CEP135: variants seen among roughly 807,000 people sequenced by gnomAD.
CEP135 encodes the protein centrosomal protein 135.
A neutral mutation model predicts 157.3 loss-of-function variants in CEP135; 142 were observed. The ratio of observed to expected loss-of-function variants is 0.90; its 90% CI spans 0.79 to 1.04. The LOEUF is 1.04. Ranked by LOEUF, CEP135 falls within the 50% of genes least tolerant of loss-of-function variation. CEP135 has a pLI of 0.00. For missense variants in CEP135, 1,317 were observed against 1,309.2 expected, an observed-to-expected ratio of 1.01 and a Z score of -0.09; for synonymous variants, 396 against 439.8, an observed-to-expected ratio of 0.90 and a Z score of 1.25.
At chr4:56,007,363 G>A (rs923693899) in intron 17 of CEP135, among the ~76,000 whole-genome samples, 2 of 152,226 alleles carry the variant, frequency 1.3e-5, no homozygotes, top group Non-Finnish European at 2.9e-5. Context: ...GCCCATCTGG[G>A]ATGGGGGAGG....
chr4:55,974,895 A>G lies in CEP135; in HGVS notation c.1399A>G (p.Ile467Val). The change falls in exon 11 of 26, where the codon ATA becomes GTA. Residue 467 changes from isoleucine to valine, a missense_variant. Coordinates refer to ENST00000257287, the MANE Select transcript of CEP135 (RefSeq NM_025009.5). ...YKKELERLQH[I>V]IQRRSCSTSY... ...GAAAGAGCTAGAGAGACTCCAACAT[A>G]TAATACAGCGAAGATCTTGCTCTAC... 6.2e-7 allele frequency: 1 copy of G among 1,613,708 alleles called. No homozygotes were observed. Among genetic ancestry groups the G allele is most frequent in the South Asian group, 1.1e-5 (1 of 90,998 alleles).
intron 6 of CEP135, among the ~76,000 whole-genome samples, chr4:55,962,568 G>A (rs1183690651): frequency 1.3e-5 from 2 of 152,002 alleles, no homozygotes; most frequent in African/African-American, 4.8e-5. Context: ...TATGTGAACT[G>A]GTCTAGTTAA....
intron 6 of CEP135, among the ~76,000 whole-genome samples, chr4:55,962,280 T>C (rs1038057693): frequency 3.0e-4 from 45 of 152,290 alleles, no homozygotes; most frequent in African/African-American, 1.1e-3. Flanking sequence ...TTTGTATTTT[T>C]TAGTAGAGAC....
chr4:55,979,062 T>C (rs1184605699), intron 11 of CEP135, among the ~76,000 whole-genome samples: 1 of 152,194 alleles, frequency 6.6e-6, no homozygotes, highest in Non-Finnish European at 1.5e-5. Context: ...CTCACAGATA[T>C]CTATCATTTA....
intron 13 of CEP135, among the ~76,000 whole-genome samples, chr4:55,984,246 A>T (rs12502833): frequency 0.039 from 5,954 of 152,206 alleles, 357 homozygotes; most frequent in Admixed American, 0.17. Flanking sequence ...GGCTTAATGG[A>T]CTTTTTCTTG....
chr4:55,980,386 T>G, intron 12 of CEP135, 91 bp downstream of exon 12: 1 of 726,142 alleles, frequency 1.4e-6, no homozygotes, highest in Non-Finnish European at 2.2e-6. Flanking sequence ...TACTATAATA[T>G]ATGGACCTGT....
rs76941356 is a variant in CEP135 at position 55,959,703 on chromosome 4, A to G, written c.636A>G (p.Glu212=). The change falls in exon 6 of 26, where the codon GAA becomes GAG. Residue 212 remains glutamate, a synonymous_variant. Transcript: ENST00000257287. Reference sequence around the variant, plus strand: ...TCAGGATTCAAGAACTTCAACAGGAAGTCCACCAGCTACAAGAAAAGTTAG... The same window carrying G: ...TCAGGATTCAAGAACTTCAACAGGAGGTCCACCAGCTACAAGAAAAGTTAG... The part of the protein sequence containing the change: ...ADNRIQELQQ[E]VHQLQEKLAM... The G allele has an allele frequency of 2.7e-5, 44 of 1,614,020 alleles. No individual in the cohort carries two copies. Among genetic ancestry groups the G allele is most frequent in the Non-Finnish European group, 3.7e-5 (44 of 1,179,984 alleles).
chr4:55,960,255 T>C (rs1728635877), intron 6 of CEP135: 1 of 156,874 alleles, frequency 6.4e-6, no homozygotes, highest in Admixed American at 6.5e-5. Context: ...TTTGTCATAT[T>C]GAACACCAGT....
At chr4:55,996,106 G>A (rs1729960962) in intron 15 of CEP135, among the ~76,000 whole-genome samples, 2 of 152,096 alleles carry the variant, frequency 1.3e-5, no homozygotes, top group South Asian at 4.2e-4. Flanking sequence ...TATTTTTTAA[G>A]GTAATTGATA....
At chr4:55,980,115 T>G in intron 11 of CEP135, 28 bp from the exon 12 acceptor site, 8 of 1,564,974 alleles carry the variant, frequency 5.1e-6, no homozygotes, top group Non-Finnish European at 7.0e-6. Context: ...TGGTGATGAT[T>G]ATATTTTGTT....
chr4:56,000,493 C>T (rs1182506234), intron 17 of CEP135, among the ~76,000 whole-genome samples: 1 of 152,164 alleles, frequency 6.6e-6, no homozygotes, highest in African/African-American at 2.4e-5. Context: ...ACGCCTCCTC[C>T]CTCATCCTTT....
intron 15 of CEP135, among the ~76,000 whole-genome samples, chr4:55,995,264 A>G (rs1729932229): frequency 6.6e-6 from 1 of 152,158 alleles, no homozygotes; most frequent in Admixed American, 6.5e-5. Flanking sequence ...TTCCTTGTAA[A>G]TAGACAAGAG....
At chr4:55,989,699 A>C (rs1162234969) in intron 14 of CEP135, among the ~76,000 whole-genome samples, 1 of 152,252 alleles carries the variant, frequency 6.6e-6, no homozygotes, top group Non-Finnish European at 1.5e-5. Flanking sequence ...CAAATGGCTA[A>C]TAAACATAAA....
At chr4:56,029,440 C>T (rs1427374724) in intron 25 of CEP135, among the ~76,000 whole-genome samples, 2 of 152,134 alleles carry the variant, frequency 1.3e-5, no homozygotes, top group Non-Finnish European at 2.9e-5. Context: ...CACCAGTCAT[C>T]TCATTAGCTT....
At chr4:55,958,309 C>T (rs1309904038) in intron 5 of CEP135, among the ~76,000 whole-genome samples, 1 of 152,106 alleles carries the variant, frequency 6.6e-6, no homozygotes, top group East Asian at 1.9e-4. Context: ...GTGGCATGCA[C>T]CTGTAGTCCC....
intron 21 of CEP135, 71 bp from the exon 22 acceptor site, chr4:56,017,577 C>G: frequency 5.4e-6 from 7 of 1,294,874 alleles, no homozygotes; most frequent in Non-Finnish European, 7.3e-6. Context: ...AGATTGTTGG[C>G]TGTACAAATT....
intron 21 of CEP135, among the ~76,000 whole-genome samples, chr4:56,012,663 G>A (rs895115124): frequency 1.2e-4 from 18 of 152,228 alleles, no homozygotes; most frequent in African/African-American, 4.3e-4. Flanking sequence ...ATTTCACTTA[G>A]CCTTAAGGTT....
At chr4:55,973,817 TG>T (rs1412058482) in intron 10 of CEP135, among the ~76,000 whole-genome samples, 2 of 152,186 alleles carry the variant, frequency 1.3e-5, no homozygotes, top group African/African-American at 2.4e-5. Flanking sequence ...AGTTGGCTTC[TG>T]TTGCCATCTC....
At chr4:55,971,124 A>G in intron 9 of CEP135, 146 bp from the exon 10 acceptor site, 2 of 459,160 alleles carry the variant, frequency 4.4e-6, no homozygotes, top group Non-Finnish European at 7.5e-6. Flanking sequence ...GTTTAATTGA[A>G]ACCTTATATT....
Sources: allele counts gnomAD v4.1 joint callset (sites outside exome capture counted in the v4.1 genomes callset), GRCh38; gene constraint gnomAD v4.1.1; transcripts MANE v1.5; gene names NCBI Gene and HGNC (gene_info 2026-07-23, HGNC 2026-07-21).